Variants in SNTG2 observed in about 807,000 individuals in gnomAD.
SNTG2 encodes syntrophin gamma 2.
In SNTG2, 74 loss-of-function variants were observed where a neutral mutation model predicts 70.9. The observed-to-expected ratio is 1.04, with a 90% CI of 0.86 to 1.27. SNTG2 has a LOEUF of 1.27. SNTG2 is among the 50% of genes most tolerant of loss of function. The pLI, the probability that SNTG2 is intolerant of heterozygous loss-of-function variation, is 0.00. For missense variants in SNTG2, 717 were observed against 690.7 expected (o/e 1.04, Z -0.43); for synonymous variants, 278 against 273.8 (o/e 1.02, Z -0.15).
chr2:1,000,999 C>T (rs1659365682), intron 1 of SNTG2, among the ~76,000 whole-genome samples: 1 of 151,842 alleles, frequency 6.6e-6, no homozygotes, highest in African/African-American at 2.4e-5. Flanking sequence ...GCCACGTAAA[C>T]AAAAAGTAAA....
chr2:1,089,523 T>C (rs1664884048), intron 2 of SNTG2, among the ~76,000 whole-genome samples: 1 of 152,212 alleles, frequency 6.6e-6, no homozygotes, highest in African/African-American at 2.4e-5. Context: ...TAATCCCAGC[T>C]ACTCAGGAGG....
intron 1 of SNTG2, among the ~76,000 whole-genome samples, chr2:1,054,141 C>G (rs952464806): frequency 6.6e-6 from 1 of 152,178 alleles, no homozygotes; most frequent in African/African-American, 2.4e-5. Context: ...CATTGCCACC[C>G]TGATTCAGAC....
intron 1 of SNTG2, among the ~76,000 whole-genome samples, chr2:1,048,589 TG>T (rs1468459596): frequency 1.3e-5 from 2 of 152,182 alleles, no homozygotes; most frequent in African/African-American, 4.8e-5. Context: ...TGCTGGACAC[TG>T]GTGCTGTTAT....
At chr2:1,312,751 A>T (rs1398354752) in intron 15 of SNTG2, among the ~76,000 whole-genome samples, 14 of 152,090 alleles carry the variant, frequency 9.2e-5, no homozygotes, top group Non-Finnish European at 8.8e-5. Flanking sequence ...CTCTCACAAG[A>T]GTGTCCTGGT....
At chr2:1,169,927 A>G (rs1392792256) in intron 7 of SNTG2, among the ~76,000 whole-genome samples, 2 of 152,152 alleles carry the variant, frequency 1.3e-5, no homozygotes, top group African/African-American at 4.8e-5. Context: ...CTTAGTATCC[A>G]TAACAATTTA....
At chr2:1,064,299 G>C (rs777869946) in intron 1 of SNTG2, among the ~76,000 whole-genome samples, 15 of 152,002 alleles carry the variant, frequency 9.9e-5, no homozygotes, top group Non-Finnish European at 2.1e-4. Flanking sequence ...ATGTACTTCA[G>C]ACTGAAAGGA....
chr2:1,210,899 G>A (rs1673996786), intron 9 of SNTG2, among the ~76,000 whole-genome samples: 1 of 152,162 alleles, frequency 6.6e-6, no homozygotes, highest in South Asian at 2.1e-4. Flanking sequence ...GCCTAGGTGT[G>A]TTGTAGCCTG....
chr2:1,270,530 A>G (rs897140667), intron 14 of SNTG2, among the ~76,000 whole-genome samples: 19 of 152,152 alleles, frequency 1.2e-4, no homozygotes, highest in Admixed American at 7.2e-4. Flanking sequence ...ACTTCTCCAC[A>G]GTCACCTAGA....
At chr2:1,001,786 A>G (rs1353757373) in intron 1 of SNTG2, among the ~76,000 whole-genome samples, 1 of 152,094 alleles carries the variant, frequency 6.6e-6, no homozygotes, top group East Asian at 1.9e-4. Flanking sequence ...ATGTGGAACT[A>G]AAAAAGAGGC....
At chr2:1,327,984 G>A (rs751143407) in intron 16 of SNTG2, among the ~76,000 whole-genome samples, 4 of 152,100 alleles carry the variant, frequency 2.6e-5, no homozygotes, top group East Asian at 3.9e-4. Context: ...GCATCTAGTC[G>A]CTTCTGGGGA....
At chr2:1,269,935 G>A (rs893171577) in intron 14 of SNTG2, among the ~76,000 whole-genome samples, 6 of 152,130 alleles carry the variant, frequency 3.9e-5, no homozygotes, top group Non-Finnish European at 5.9e-5. Flanking sequence ...TGTGGGGGCC[G>A]TGATGACCAC....
At chr2:1,061,533 C>T (rs907530325) in intron 1 of SNTG2, among the ~76,000 whole-genome samples, 2 of 152,200 alleles carry the variant, frequency 1.3e-5, no homozygotes, top group Non-Finnish European at 2.9e-5. Flanking sequence ...AAGTTTCCTA[C>T]GTTCAGAGTT....
chr2:1,339,024 C>A (rs1659954310), intron 16 of SNTG2, among the ~76,000 whole-genome samples: 1 of 152,182 alleles, frequency 6.6e-6, no homozygotes, highest in Non-Finnish European at 1.5e-5. Flanking sequence ...CAATGTTTTT[C>A]TTTTCTCCTT....
chr2:1,047,624 A>G (rs1200913910), intron 1 of SNTG2, among the ~76,000 whole-genome samples: 1 of 152,196 alleles, frequency 6.6e-6, no homozygotes, highest in East Asian at 1.9e-4. Flanking sequence ...ACATGGGAGT[A>G]AATTCTCAAA....
chr2:1,091,724 T>C (rs754410816), intron 2 of SNTG2, among the ~76,000 whole-genome samples: 6 of 152,254 alleles, frequency 3.9e-5, no homozygotes, highest in African/African-American at 7.2e-5. Context: ...TATGGAATCA[T>C]TGAATTTTTA....
At chr2:1,083,063 C>T (rs928702365) in intron 1 of SNTG2, among the ~76,000 whole-genome samples, 10 of 152,118 alleles carry the variant, frequency 6.6e-5, no homozygotes, top group African/African-American at 1.9e-4. Flanking sequence ...GCTTCCTCCT[C>T]GGCTGTCGTT....
intron 11 of SNTG2, among the ~76,000 whole-genome samples, chr2:1,242,019 TC>T (rs1677085110): frequency 6.6e-6 from 1 of 152,212 alleles, no homozygotes; most frequent in South Asian, 2.1e-4. Context: ...ACCTTAAAAG[TC>T]CTATACAACT....
At chr2:964,679 G>C (rs768101618) in intron 1 of SNTG2, among the ~76,000 whole-genome samples, 9 of 152,184 alleles carry the variant, frequency 5.9e-5, no homozygotes, top group Non-Finnish European at 1.2e-4. Context: ...GTCCTTGGAA[G>C]TGCAGGGTCC....
In SNTG2 at chr2:1,316,326, G is replaced by T. The variant is rs1012581137; in HGVS notation, c.1439G>T (p.Arg480Leu). 4.5e-6 allele frequency: 7 copies of T among 1,550,456 alleles called. No homozygotes were observed. In the Admixed American group the frequency reaches 9.8e-5, roughly 22 times the overall value. Reference protein sequence around the residue: ...LKGSSDDGKTRVKLLFQNLDT... With the variant: ...LKGSSDDGKTLVKLLFQNLDT... Reference sequence around the variant, plus strand: ...GGATCTTCAGATGATGGGAAAACTCGAGTAAAGCTGCTGTTTCAGAATCTG... The same window carrying T: ...GGATCTTCAGATGATGGGAAAACTCTAGTAAAGCTGCTGTTTCAGAATCTG... Residue 480 changes from arginine (R) to leucine (L), a missense_variant, in exon 16 of 17, where the codon CGA becomes CTA. Arg to Leu is a moderately radical substitution (Grantham distance 102). Transcript: ENST00000308624.
Sources: allele counts gnomAD v4.1 joint callset (sites outside exome capture counted in the v4.1 genomes callset), GRCh38; gene constraint gnomAD v4.1.1; transcripts MANE v1.5; gene names NCBI Gene and HGNC (gene_info 2026-07-23, HGNC 2026-07-21).